Variants in JAK2 observed in about 807,000 individuals in gnomAD.
JAK2 encodes the protein tyrosine-protein kinase JAK2.
In JAK2, 86 loss-of-function variants were observed where a neutral mutation model predicts 139.3. That is an observed-to-expected ratio of 0.62 (90% CI 0.52 to 0.74). JAK2 has a LOEUF of 0.74. Ranked by LOEUF, JAK2 falls within the 30% of genes least tolerant of loss-of-function variation. The pLI, the probability that JAK2 is intolerant of heterozygous loss-of-function variation, is 0.00. For missense variants in JAK2, 1,421 were observed against 1,360.3 expected, an observed-to-expected ratio of 1.04 and a Z score of -0.70; for synonymous variants, 490 against 437.7, an observed-to-expected ratio of 1.12 and a Z score of -1.49.
In JAK2 at chr9:5,078,392, T is replaced by C; in HGVS notation, c.2079T>C (p.Pro693=). 6.2e-7 allele frequency: 1 copy of C among 1,613,276 alleles called. No individual in the cohort carries two copies. Among genetic ancestry groups the C allele is most frequent in the Non-Finnish European group, 8.5e-7 (1 of 1,179,424 alleles). ...AAGACAGGAAGACAGGAAATCCTCCTTTCATCAAACTTAGTGATCCTGGCA... is the reference window on the plus strand; with the variant it reads ...AAGACAGGAAGACAGGAAATCCTCCCTTCATCAAACTTAGTGATCCTGGCA... ...REEDRKTGNP[P]FIKLSDPGIS... is the part of the protein sequence containing the mutation. The change falls in exon 16 of 25, where the codon CCT becomes CCC. Residue 693 remains proline (P), a synonymous_variant. Coordinates refer to ENST00000381652, the MANE Select transcript of JAK2 (RefSeq NM_004972.4).
intron 22 of JAK2, among the ~76,000 whole-genome samples, chr9:5,122,686 T>G (rs897319739): frequency 6.6e-6 from 1 of 151,990 alleles, no homozygotes; most frequent in Non-Finnish European, 1.5e-5. Flanking sequence ...AAAGCAAAAT[T>G]AGGCACTCTC....
chr9:5,050,865 G>A, intron 6 of JAK2, 34 bp downstream of exon 6: 1 of 1,549,048 alleles, frequency 6.5e-7, no homozygotes, highest in Non-Finnish European at 8.9e-7. Context: ...ACACATAAGT[G>A]TGAGTAGAGA....
chr9:4,995,312 T>A (rs1232398671), intron 2 of JAK2, among the ~76,000 whole-genome samples: 7 of 152,222 alleles, frequency 4.6e-5, no homozygotes, highest in Non-Finnish European at 1.0e-4. Context: ...AGGTTGTCTC[T>A]TTATCTTTTT....
At chr9:5,083,642 C>T (rs999522841) in intron 19 of JAK2, among the ~76,000 whole-genome samples, 5 of 152,016 alleles carry the variant, frequency 3.3e-5, no homozygotes, top group African/African-American at 7.2e-5. Flanking sequence ...ACTAGGCACA[C>T]AATTTTGTCA....
chr9:5,095,989 C>G (rs755140940), intron 22 of JAK2, among the ~76,000 whole-genome samples: 1 of 152,164 alleles, frequency 6.6e-6, no homozygotes, highest in Non-Finnish European at 1.5e-5. Context: ...AGCTTTACCT[C>G]CATTAACAGG....
chr9:5,040,702 T>C (rs1483837055), intron 4 of JAK2, among the ~76,000 whole-genome samples: 3 of 152,342 alleles, frequency 2.0e-5, no homozygotes, highest in Middle Eastern at 3.4e-3. Flanking sequence ...CCAAAAAGCA[T>C]GTAAAAAGAT....
intron 22 of JAK2, 32 bp from the exon 23 acceptor site, chr9:5,122,972 C>A (rs747247299): frequency 7.3e-7 from 1 of 1,374,726 alleles, no homozygotes; most frequent in African/African-American, 1.4e-5. Flanking sequence ...TATCAAGTAA[C>A]TGTCTTTTAA....
chr9:5,025,401 A>G (rs1822715242), intron 3 of JAK2, among the ~76,000 whole-genome samples: 1 of 152,110 alleles, frequency 6.6e-6, no homozygotes, highest in Non-Finnish European at 1.5e-5. Context: ...CTCAAATATA[A>G]ATCTTGTCTG....
intron 8 of JAK2, among the ~76,000 whole-genome samples, chr9:5,064,404 C>T (rs1818421954): frequency 1.3e-5 from 2 of 151,892 alleles, no homozygotes; most frequent in Admixed American, 1.3e-4. Flanking sequence ...GCGGCATATG[C>T]CTGTAATCCC....
intron 2 of JAK2, among the ~76,000 whole-genome samples, chr9:5,001,386 T>C (rs925876638): frequency 5.3e-5 from 8 of 152,132 alleles, no homozygotes; most frequent in African/African-American, 1.9e-4. Flanking sequence ...TTCCAGAAAT[T>C]TTATCATGAA....
intron 4 of JAK2, chr9:5,041,804 G>A (rs1366738967): frequency 4.1e-6 from 2 of 485,456 alleles, no homozygotes; most frequent in Admixed American, 2.3e-5. Flanking sequence ...AAGATCAGCC[G>A]CACAGCAAAA....
chr9:5,113,216 T>TC (rs1384667987), intron 22 of JAK2, among the ~76,000 whole-genome samples: 1 of 136,568 alleles, frequency 7.3e-6, no homozygotes, highest in Non-Finnish European at 1.5e-5. Context: ...TTTTTTTTTT[T>TC]TTTCCAGTAA....
Position 5,126,871 on chromosome 9 carries a change from A to G in JAK2, c.*80A>G, listed in dbSNP as rs1039837826. 4 of 713,734 alleles carry G rather than the reference A, an allele frequency of 5.6e-6. No homozygotes were observed. The East Asian group carries it at 1.1e-4, about 20-fold the overall frequency. 44.2% of individuals were successfully genotyped at this position (713,734 alleles called of 1,614,324 possible). On this transcript the variant is annotated 3_prime_UTR_variant, in exon 25 of 25. Coordinates refer to ENST00000381652, the MANE Select transcript of JAK2 (RefSeq NM_004972.4). ...TTTCACATTGCTGTGGACTATTATT[A>G]CATATATCATTATTATATAAATCAT...
At chr9:5,070,089 C>T in intron 12 of JAK2, 37 bp downstream of exon 12, 2 of 1,462,054 alleles carry the variant, frequency 1.4e-6, no homozygotes, top group Non-Finnish European at 1.9e-6. Context: ...CTTTTTTGTC[C>T]TTTTAAAACA....
intron 2 of JAK2, among the ~76,000 whole-genome samples, chr9:4,990,207 T>G (rs1304121230): frequency 6.6e-6 from 1 of 152,140 alleles, no homozygotes; most frequent in African/African-American, 2.4e-5. Flanking sequence ...ACGGAGGAAA[T>G]CAAAGAGTGT....
At chr9:5,059,550 A>C (rs1818010407) in intron 8 of JAK2, among the ~76,000 whole-genome samples, 1 of 152,070 alleles carries the variant, frequency 6.6e-6, no homozygotes, top group Admixed American at 6.6e-5. Context: ...TGGTGGACTT[A>C]TGCACTCTTT....
At chr9:5,061,422 A>T (rs915002126) in intron 8 of JAK2, among the ~76,000 whole-genome samples, 2 of 152,358 alleles carry the variant, frequency 1.3e-5, no homozygotes, top group East Asian at 3.9e-4. Context: ...CTTCTGGATA[A>T]CTTGCTGTAG....
intron 8 of JAK2, among the ~76,000 whole-genome samples, chr9:5,062,803 C>T (rs760840284): frequency 2.0e-4 from 30 of 152,054 alleles, no homozygotes; most frequent in Non-Finnish European, 3.8e-4. Flanking sequence ...TATTTCATTT[C>T]CTTAATTAGA....
rs1824106885 is a variant in JAK2 at position 5,127,968 on chromosome 9, G to T, written c.*1177G>T. On this transcript the variant is annotated 3_prime_UTR_variant, in exon 25 of 25. Transcript: ENST00000381652. The stretch of plus-strand genomic sequence containing the variant: ...CATAACGTGTATCTTTAAGAAAAAT[G>T]AGCATACATCTTAAATCTTTTCAAT... 1 of 231,364 alleles carries T rather than the reference G, an allele frequency of 4.3e-6. No homozygotes were observed. The highest frequency in any genetic ancestry group is 5.7e-5 in the Admixed American group (1 of 17,674). The allele number at this position is 231,364 out of a possible 1,614,324, so 14.3% of individuals were successfully genotyped here.
Sources: gnomAD v4.1 joint callset for allele counts (sites outside exome capture counted in the v4.1 genomes callset) on GRCh38, gnomAD v4.1.1 for gene constraint, MANE v1.5 for transcripts, NCBI Gene and HGNC (gene_info 2026-07-23, HGNC 2026-07-21) for gene names.